The following YBX1 variants were observed in gnomAD, a reference collection of about 807,000 sequenced individuals.
The protein encoded by YBX1 is Y-box binding protein 1.
A neutral mutation model predicts 41.4 loss-of-function variants in YBX1; 3 were observed. That is an observed-to-expected ratio of 0.07 (90% CI 0.03 to 0.19). The LOEUF (loss-of-function observed/expected upper bound fraction) is 0.19, where lower values mean the gene tolerates loss of function less well. YBX1 is among the 10% of genes least tolerant of loss of function. The pLI is 1.00. For synonymous variants in YBX1, 133 were observed against 165.8 expected (o/e 0.80, Z 1.52); for missense variants, 274 against 462.8 (o/e 0.59, Z 3.74).
intron 6 of YBX1, among the ~76,000 whole-genome samples, 154 bp downstream of exon 6, chr1:42,697,416 T>C (rs757279280): frequency 6.6e-6 from 1 of 152,222 alleles, no homozygotes; most frequent in Non-Finnish European, 1.5e-5. Flanking sequence ...AAAAACAGCT[T>C]GTATAGATGA....
At chr1:42,693,579 G>A (rs1650392122) in intron 3 of YBX1, 56 bp downstream of exon 3, 5 of 1,579,168 alleles carry the variant, frequency 3.2e-6, no homozygotes, top group East Asian at 4.5e-5. Flanking sequence ...AGAAGAAAAG[G>A]TTAGATATGT....
chr1:42,697,774 C>T (rs1428680525), intron 6 of YBX1, among the ~76,000 whole-genome samples: 1 of 151,926 alleles, frequency 6.6e-6, no homozygotes, highest in African/African-American at 2.4e-5. Flanking sequence ...TGTCGTTAGA[C>T]AACTATCTAC....
At chr1:42,693,747 G>T (rs1231732499) in intron 3 of YBX1, among the ~76,000 whole-genome samples, 1 of 152,180 alleles carries the variant, frequency 6.6e-6, no homozygotes, top group Non-Finnish European at 1.5e-5. Flanking sequence ...AACAGCTGTG[G>T]CTTTCTCAAA....
chr1:42,701,085 T>C, intron 7 of YBX1, 39 bp downstream of exon 7: 1 of 1,499,982 alleles, frequency 6.7e-7, no homozygotes, highest in Admixed American at 1.8e-5. Flanking sequence ...ATGGCAGTCG[T>C]GAGTGGTGAC....
At chr1:42,686,913 T>C (rs972528992) in intron 2 of YBX1, among the ~76,000 whole-genome samples, 2 of 152,238 alleles carry the variant, frequency 1.3e-5, no homozygotes, top group Admixed American at 6.5e-5. Context: ...ACTGCTCTTA[T>C]GCTGTCTCTG....
intron 7 of YBX1, among the ~76,000 whole-genome samples, chr1:42,701,259 A>G (rs929624764): frequency 6.6e-6 from 1 of 152,180 alleles, no homozygotes; most frequent in African/African-American, 2.4e-5. Flanking sequence ...CTAGTTCTCA[A>G]TTCTGACACT....
Position 42,701,033 on chromosome 1 carries a change from CT to C in YBX1, c.*19del. On this transcript the variant is annotated 3_prime_UTR_variant, in exon 7 of 8. Coordinates refer to ENST00000321358, the MANE Select transcript of YBX1 (RefSeq NM_004559.5). ...CTGAGTAAATGCCGGCTTACCATCT[CT>C]ACCATCATCCGGGTAAGCAAGCTTG... The C allele has an allele frequency of 6.2e-7, 1 of 1,612,784 alleles. No homozygotes were observed. The highest frequency in any genetic ancestry group is 1.7e-5 in the Admixed American group (1 of 59,996).
At position 42,696,347 on chromosome 1, in the gene YBX1, A is replaced by C; in HGVS notation, c.354+59A>C. On this transcript the variant is annotated intron_variant, in intron 4 of 7. Transcript: ENST00000321358. The surrounding 1 kb of genome is among the most constrained non-coding windows in gnomAD (Gnocchi z 5.7). ...AGTATGGAAATATTTTGGAGGTCTC[A>C]TCCATTAGGATGGTGGCTCTAATGT... is the stretch of plus-strand genomic sequence containing the variant. 2.5e-4 allele frequency: 388 copies of C among 1,540,448 alleles called. No individual in the cohort carries two copies. The highest frequency in any genetic ancestry group is 3.1e-4 in the Non-Finnish European group (352 of 1,121,490).
At chr1:42,694,287 A>G (rs964256380) in intron 3 of YBX1, among the ~76,000 whole-genome samples, 20 of 152,206 alleles carry the variant, frequency 1.3e-4, no homozygotes, top group African/African-American at 4.8e-4. Context: ...TAAGATTATT[A>G]CTAATGTAAA....
chr1:42,701,125 A>G (rs2148743406), intron 7 of YBX1, 79 bp downstream of exon 7: 1 of 1,011,454 alleles, frequency 9.9e-7, no homozygotes, highest in East Asian at 2.6e-5. Context: ...AAGAGTAGAA[A>G]AACCTCAGTT....
At chr1:42,687,324 A>G (rs1280527311) in intron 2 of YBX1, among the ~76,000 whole-genome samples, 1 of 151,306 alleles carries the variant, frequency 6.6e-6, no homozygotes, top group Non-Finnish European at 1.5e-5. Context: ...CACTCTTGTC[A>G]CCCAGGCTGG....
chr1:42,690,092 C>T (rs1192718816), intron 2 of YBX1, among the ~76,000 whole-genome samples: 1 of 152,008 alleles, frequency 6.6e-6, no homozygotes, highest in African/African-American at 2.4e-5. Flanking sequence ...GTGGTGCATA[C>T]CTGTAATCCC....
At chr1:42,682,780 C>A in intron 1 of YBX1, 49 bp downstream of exon 1, 1 of 1,160,272 alleles carries the variant, frequency 8.6e-7, no homozygotes, top group Non-Finnish European at 1.1e-6. Flanking sequence ...AGCCCAGCAG[C>A]GGAACCGTTA....
intron 2 of YBX1, among the ~76,000 whole-genome samples, chr1:42,684,479 ATG>A (rs1650142559): frequency 6.6e-6 from 1 of 152,242 alleles, no homozygotes; most frequent in African/African-American, 2.4e-5. Flanking sequence ...TAAAAGAACA[ATG>A]TGGAATGGAC....
Position 42,682,491 on chromosome 1 carries a change from G to C in YBX1, c.-75G>C. 1.5e-6 allele frequency: 2 copies of C among 1,353,434 alleles called. No individual in the cohort carries two copies. Among genetic ancestry groups the C allele is most frequent in the Non-Finnish European group, 9.5e-7 (1 of 1,056,050 alleles). 83.8% of individuals were successfully genotyped at this position (1,353,434 alleles called of 1,614,324 possible). On this transcript the variant is annotated 5_prime_UTR_variant, in exon 1 of 8. Coordinates refer to ENST00000321358, the MANE Select transcript of YBX1 (RefSeq NM_004559.5). ...AGCCCTGAGCAGCCCCACCGCCGCC[G>C]CCGGCCTAGTTACCATCACACCCCG...
intron 1 of YBX1, 166 bp downstream of exon 1, chr1:42,682,897 G>C (rs1650075413): frequency 4.7e-6 from 1 of 212,608 alleles, no homozygotes; most frequent in Non-Finnish European, 7.7e-6. Flanking sequence ...GCGGGGACCC[G>C]CCCGGCAGGC....
chr1:42,684,549 A>AT (rs1317344440), intron 2 of YBX1, among the ~76,000 whole-genome samples: 1 of 152,262 alleles, frequency 6.6e-6, no homozygotes, highest in Non-Finnish European at 1.5e-5. Context: ...AAAACTGTTC[A>AT]TTAATCAATC....
At chr1:42,683,632 G>A (rs1392618777) in intron 2 of YBX1, among the ~76,000 whole-genome samples, 166 bp downstream of exon 2, 2 of 152,154 alleles carry the variant, frequency 1.3e-5, no homozygotes, top group African/African-American at 4.8e-5. Flanking sequence ...TCCTTGATTA[G>A]GGATTAGTGG....
At chr1:42,698,236 T>A (rs1341433713) in intron 6 of YBX1, among the ~76,000 whole-genome samples, 1 of 152,250 alleles carries the variant, frequency 6.6e-6, no homozygotes, top group Non-Finnish European at 1.5e-5. Flanking sequence ...GTCGAGGTTG[T>A]ATTACATGTA....
Sources: gnomAD v4.1 joint callset for allele counts (sites outside exome capture counted in the v4.1 genomes callset) on GRCh38, gnomAD v4.1.1 for gene constraint, Gnocchi (gnomAD v3.1) non-coding constraint, MANE v1.5 for transcripts, NCBI Gene and HGNC (gene_info 2026-07-23, HGNC 2026-07-21) for gene names.